The following TIMP2 variants were observed in gnomAD, a reference collection of about 807,000 sequenced individuals.
TIMP2 encodes metalloproteinase inhibitor 2.
A neutral mutation model predicts 24.3 loss-of-function variants in TIMP2; 5 were observed. The observed-to-expected ratio is 0.21, with a 90% CI of 0.11 to 0.43. The LOEUF is 0.43. Among genes scored for constraint, TIMP2 ranks in the 20% least tolerant of loss-of-function variants. The probability of loss-of-function intolerance (pLI) is 1.00; values close to 1 mark genes in which losing one functional copy is unlikely to be tolerated. For synonymous variants in TIMP2, 130 were observed against 123.2 expected, an observed-to-expected ratio of 1.06 and a Z score of -0.37; for missense variants, 221 against 297.5, an observed-to-expected ratio of 0.74 and a Z score of 1.89.
At chr17:78,859,331 C>T (rs1306659339) in intron 3 of TIMP2, among the ~76,000 whole-genome samples, 2 of 152,140 alleles carry the variant, frequency 1.3e-5, no homozygotes, top group Non-Finnish European at 1.5e-5. Context: ...CAGTGGCTGA[C>T]AGAACCTAAT....
At chr17:78,923,396 T>TGGGGGGGGGGGGGGGGGGG (rs1255104339) in intron 1 of TIMP2, among the ~76,000 whole-genome samples, 33 of 47,680 alleles carry the variant, frequency 6.9e-4, no homozygotes, top group Non-Finnish European at 9.7e-4. Context: ...TGGGGCGGGG[T>TGGGGGGGGGGGGGGGGGGG]GGGGGGGGGG....
chr17:78,871,325 G>A (rs939550980), intron 2 of TIMP2, among the ~76,000 whole-genome samples: 4 of 151,780 alleles, frequency 2.6e-5, no homozygotes, highest in Non-Finnish European at 4.4e-5. Context: ...GGTGGCAAGC[G>A]CCTGTAATCC....
intron 1 of TIMP2, among the ~76,000 whole-genome samples, chr17:78,874,920 T>C (rs530771493): frequency 6.6e-6 from 1 of 152,250 alleles, no homozygotes; most frequent in Admixed American, 6.5e-5. Context: ...TTTGTATTTT[T>C]AGTAGAGAAA....
chr17:78,897,517 G>A (rs1455847757), intron 1 of TIMP2: 1 of 152,258 alleles, frequency 6.6e-6, no homozygotes, highest in Non-Finnish European at 1.5e-5. Context: ...TGGAGCCCCA[G>A]GCACCATGAC....
chr17:78,923,501 G>A (rs2070324916), intron 1 of TIMP2, among the ~76,000 whole-genome samples: 1 of 151,622 alleles, frequency 6.6e-6, no homozygotes, highest in Non-Finnish European at 1.5e-5. Context: ...GCTACATCCT[G>A]CCCCAGCACG....
intron 1 of TIMP2, among the ~76,000 whole-genome samples, chr17:78,881,433 G>A (rs1488212690): frequency 1.3e-5 from 2 of 152,234 alleles, no homozygotes; most frequent in African/African-American, 2.4e-5. Flanking sequence ...GGGGCATTCT[G>A]ATGCTGCAGC....
chr17:78,885,473 C>T (rs529196874), intron 1 of TIMP2, among the ~76,000 whole-genome samples: 57 of 152,338 alleles, frequency 3.7e-4, no homozygotes, highest in African/African-American at 1.3e-3. Context: ...TTCCGGGTGG[C>T]TCCATCCCTT....
intron 2 of TIMP2, among the ~76,000 whole-genome samples, chr17:78,871,466 A>AAAAAG (rs1555648930): frequency 0.013 from 1,439 of 111,276 alleles, 164 homozygotes; most frequent in Middle Eastern, 0.041. Context: ...AAAAAAAAAA[A>AAAAAG]AAAAGAAAAG....
At position 78,920,558 on chromosome 17, in the gene TIMP2, A is replaced by G. The variant is rs138375024; in HGVS notation, c.130+4401T>C. ...TTCAGGGGTCAGTGACTCCCCTGAC[A>G]GATCCTGTCCCTCCAAGGACGCTGT... On this transcript the variant is annotated intron_variant, in intron 1 of 4. Coordinates refer to ENST00000262768, the MANE Select transcript of TIMP2 (RefSeq NM_003255.5). This position sits in a 1 kb window ranked among gnomAD's most constrained non-coding sequence, Gnocchi z 4.5. Among the ~76,000 whole-genome samples the G allele has an allele frequency of 6.6e-6, 1 of 152,234 alleles. No homozygotes were observed. Among genetic ancestry groups the G allele is most frequent in the Non-Finnish European group, 1.5e-5 (1 of 67,984 alleles).
At position 78,924,907 on chromosome 17, in the gene TIMP2, G is replaced by A; in HGVS notation, c.130+52C>T. 8.8e-7 allele frequency: 1 copy of A among 1,130,576 alleles called. No individual in the cohort carries two copies. The highest frequency in any genetic ancestry group is 1.1e-6 in the Non-Finnish European group (1 of 909,356). 70.0% of individuals were successfully genotyped at this position (1,130,576 alleles called of 1,614,324 possible). ...GGGCGGGGCGTCTGCGAACCCTCGGGGTCGCGGGGGAGGTGGGGCCCCGCG... is the reference window on the plus strand; with the variant it reads ...GGGCGGGGCGTCTGCGAACCCTCGGAGTCGCGGGGGAGGTGGGGCCCCGCG... On this transcript the variant is annotated intron_variant, in intron 1 of 4. Transcript: ENST00000262768. This position sits in a 1 kb window ranked among gnomAD's most constrained non-coding sequence, Gnocchi z 5.3.
chr17:78,860,091 A>G (rs1249609926), intron 3 of TIMP2, among the ~76,000 whole-genome samples: 2 of 151,774 alleles, frequency 1.3e-5, no homozygotes, highest in African/African-American at 4.8e-5. Context: ...CAGGAGAATC[A>G]CTTGAACCCA....
intron 1 of TIMP2, chr17:78,899,536 G>A (rs1283528150): frequency 6.6e-6 from 1 of 152,256 alleles, no homozygotes; most frequent in Non-Finnish European, 1.5e-5. Context: ...AATGCAGCCA[G>A]TTCACCAGCT....
At chr17:78,882,599 C>T (rs552135314) in intron 1 of TIMP2, among the ~76,000 whole-genome samples, 1 of 152,378 alleles carries the variant, frequency 6.6e-6, no homozygotes, top group East Asian at 1.9e-4. Context: ...TCGGGCAGCA[C>T]CTCCTTCTTT....
chr17:78,909,547 T>C (rs2070189598), intron 1 of TIMP2, among the ~76,000 whole-genome samples: 1 of 149,878 alleles, frequency 6.7e-6, no homozygotes, highest in African/African-American at 2.5e-5. Flanking sequence ...CCCCATCACC[T>C]GGTGCCAGAG....
chr17:78,892,057 C>T (rs1427344014), intron 1 of TIMP2: 5 of 1,551,272 alleles, frequency 3.2e-6, no homozygotes, highest in East Asian at 4.9e-5. Flanking sequence ...GCGAGTCAGG[C>T]TCATTTTCCC....
At chr17:78,903,673 C>G (rs930359396) in intron 1 of TIMP2, among the ~76,000 whole-genome samples, 2 of 152,178 alleles carry the variant, frequency 1.3e-5, no homozygotes, top group African/African-American at 4.8e-5. Flanking sequence ...CCTGCCCACA[C>G]AGGAGGAGAA....
intron 2 of TIMP2, 87 bp downstream of exon 2, chr17:78,873,732 T>C (rs1240948861): frequency 2.8e-6 from 3 of 1,060,896 alleles, no homozygotes; most frequent in Non-Finnish European, 4.3e-6. Flanking sequence ...GGCCAGATCG[T>C]GTTCCAGGGA....
chr17:78,911,312 C>T (rs1234758692), intron 1 of TIMP2, among the ~76,000 whole-genome samples: 1 of 152,188 alleles, frequency 6.6e-6, no homozygotes, highest in African/African-American at 2.4e-5. Context: ...TCCTTAAGGG[C>T]TCCTTGGACA....
rs1599142979 is a variant in TIMP2, at chr17:78,855,962, A to C, written c.466-98T>G. 8.0e-7 allele frequency: 1 copy of C among 1,251,002 alleles called. No individual in the cohort carries two copies. The highest frequency in any genetic ancestry group is 1.8e-5 in the Admixed American group (1 of 55,176). 77.5% of individuals were successfully genotyped at this position (1,251,002 alleles called of 1,614,324 possible). A position where few individuals can be genotyped will look rare whatever the true frequency, so the allele number is the denominator to read the frequency against. ...ATGTCCAGAACCCGGCAATGTGCCT[A>C]CCTGTCATGTGCAGGGATGGCAGCC... On this transcript the variant is annotated intron_variant, in intron 4 of 4. Transcript: ENST00000262768. The surrounding 1 kb of genome is among the most constrained non-coding windows in gnomAD (Gnocchi z 6.0).
Sources: gnomAD v4.1 joint callset for allele counts (sites outside exome capture counted in the v4.1 genomes callset) on GRCh38, gnomAD v4.1.1 for gene constraint, Gnocchi (gnomAD v3.1) non-coding constraint, MANE v1.5 for transcripts, NCBI Gene and HGNC (gene_info 2026-07-23, HGNC 2026-07-21) for gene names.